The following ARHGEF10 variants were observed in gnomAD, a reference collection of about 807,000 sequenced individuals.
ARHGEF10 encodes the protein Rho guanine nucleotide exchange factor (GEF) 10.
ARHGEF10 carries 140 observed loss-of-function variants against 147.4 expected under a neutral mutation model. The ratio of observed to expected loss-of-function variants is 0.95; its 90% CI spans 0.83 to 1.09. ARHGEF10 has a LOEUF of 1.09. Among genes scored for constraint, ARHGEF10 ranks in the 50% least tolerant of loss-of-function variants. The pLI is 0.00. For synonymous variants in ARHGEF10, 902 were observed against 695.8 expected (o/e 1.30, Z -4.67); for missense variants, 2,222 against 1,752.7 (o/e 1.27, Z -4.78).
intron 3 of ARHGEF10, chr8:1,858,881 C>CAT (rs1354448806): frequency 9.6e-4 from 85 of 88,278 alleles, no homozygotes; most frequent in South Asian, 4.3e-3. Flanking sequence ...TCTTTGGGTG[C>CAT]AGCACCAGCC....
intron 15 of ARHGEF10, among the ~76,000 whole-genome samples, chr8:1,900,862 G>C (rs2129170142): frequency 6.6e-6 from 1 of 152,232 alleles, no homozygotes; most frequent in South Asian, 2.1e-4. Flanking sequence ...TGCCTCGAGA[G>C]ACCCTCTTTA....
chr8:1,842,011 C>T lies in ARHGEF10; in HGVS notation c.-47-1342C>T, dbSNP rs1652996877. Among the ~76,000 whole-genome samples the T allele has an allele frequency of 6.9e-5, 6 of 87,344 alleles. 1 individual carries two copies. In the Admixed American group the frequency reaches 7.7e-4, roughly 11 times the overall value. 57.3% of individuals were successfully genotyped at this position (87,344 alleles called of 152,430 possible). A position where few individuals can be genotyped will look rare whatever the true frequency, so the allele number is the denominator to read the frequency against. ...ACTGGGGCCGCGGCGGGAACTGGGG[C>T]CGCGGCGGGAACTGGGGCCGCGGCG... On this transcript the variant is annotated intron_variant, in intron 1 of 28. Transcript: ENST00000349830.
intron 28 of ARHGEF10, among the ~76,000 whole-genome samples, chr8:1,955,598 TCTCA>T (rs992966561): frequency 3.3e-5 from 5 of 151,360 alleles, no homozygotes; most frequent in African/African-American, 1.2e-4. Context: ...GGAGGTGCAC[TCTCA>T]CTGTTTCTCT....
At chr8:1,835,007 G>A (rs935792510) in intron 1 of ARHGEF10, among the ~76,000 whole-genome samples, 4 of 152,246 alleles carry the variant, frequency 2.6e-5, no homozygotes, top group Admixed American at 6.5e-5. Flanking sequence ...TTCGCCAAGC[G>A]GGTCCGCCAC....
intron 23 of ARHGEF10, chr8:1,927,634 G>A (rs1452038174): frequency 2.6e-5 from 4 of 152,402 alleles, no homozygotes; most frequent in African/African-American, 7.2e-5. Flanking sequence ...GAAATTCCAC[G>A]GCAGGCGTGG....
chr8:1,926,230 C>G lies in ARHGEF10; in HGVS notation c.2611-147C>G. On this transcript the variant is annotated intron_variant, in intron 22 of 28. Coordinates refer to ENST00000349830, the MANE Select transcript of ARHGEF10 (RefSeq NM_014629.4). ...GAGAGTTGTACTTTTAAACTTTCATCCTCCCTATTTTAATCTTTGGTAGGT... is the reference window on the plus strand; with the variant it reads ...GAGAGTTGTACTTTTAAACTTTCATGCTCCCTATTTTAATCTTTGGTAGGT... 35 of 730,322 alleles carry G rather than the reference C, an allele frequency of 4.8e-5. No individual in the cohort carries two copies. The South Asian group carries it at 5.4e-4, about 11-fold the overall frequency. 45.2% of individuals were successfully genotyped at this position (730,322 alleles called of 1,614,324 possible).
rs1337088670 is a variant in ARHGEF10 at position 1,930,943 on chromosome 8, C to T, written c.3079+1500C>T. On this transcript the variant is annotated intron_variant, in intron 25 of 28. Coordinates refer to ENST00000349830, the MANE Select transcript of ARHGEF10 (RefSeq NM_014629.4). ...TCCTTGGCGGGCCTCTGGTTGCCTC[C>T]CTCTCATCCGGTGGGTGCCCCGGCC... Among the ~76,000 whole-genome samples, 4 of 152,368 alleles carry T rather than the reference C, an allele frequency of 2.6e-5. No individual in the cohort carries two copies. In the East Asian group the frequency reaches 5.8e-4, roughly 22 times the overall value.
At chr8:1,862,427 C>T (rs73671006) in intron 4 of ARHGEF10, among the ~76,000 whole-genome samples, 142 of 152,402 alleles carry the variant, frequency 9.3e-4, no homozygotes, top group African/African-American at 2.9e-3. Flanking sequence ...CTCTTGTTTA[C>T]GCACGGGCTG....
At chr8:1,931,695 T>G (rs1362816156) in intron 25 of ARHGEF10, among the ~76,000 whole-genome samples, 2 of 152,180 alleles carry the variant, frequency 1.3e-5, no homozygotes, top group Non-Finnish European at 2.9e-5. Context: ...TTGCCAGAGC[T>G]CTGAGCTTTC....
chr8:1,888,616 T>G (rs28628190), intron 11 of ARHGEF10, among the ~76,000 whole-genome samples: 79,389 of 117,356 alleles, frequency 0.68, 29,172 homozygotes, highest in East Asian at 0.97. Context: ...TGTGGTGAGG[T>G]TTGTGAGGAA....
intron 1 of ARHGEF10, among the ~76,000 whole-genome samples, chr8:1,840,076 G>T (rs1157689340): frequency 1.5e-5 from 2 of 137,422 alleles, no homozygotes; most frequent in Non-Finnish European, 3.1e-5. Flanking sequence ...TGTGGAAGCT[G>T]TCTGGTGTGG....
intron 1 of ARHGEF10, among the ~76,000 whole-genome samples, chr8:1,843,031 G>C (rs185550554): frequency 6.6e-6 from 1 of 152,362 alleles, no homozygotes; most frequent in East Asian, 1.9e-4. Flanking sequence ...TTAGAATACA[G>C]TGGGAAATTC....
chr8:1,894,906 G>T (rs938202888), intron 13 of ARHGEF10, among the ~76,000 whole-genome samples: 1 of 152,218 alleles, frequency 6.6e-6, no homozygotes, highest in African/African-American at 2.4e-5. Flanking sequence ...GATGCCGTGT[G>T]TTTGGCAATG....
intron 27 of ARHGEF10, 109 bp from the exon 28 acceptor site, chr8:1,952,596 G>T: frequency 1.4e-6 from 2 of 1,457,502 alleles, no homozygotes; most frequent in Admixed American, 3.5e-5. Flanking sequence ...TGCCCCTGGC[G>T]GATTTGGTGG....
intron 10 of ARHGEF10, among the ~76,000 whole-genome samples, chr8:1,883,743 G>A (rs1287623135): frequency 6.6e-6 from 1 of 152,126 alleles, no homozygotes; most frequent in Non-Finnish European, 1.5e-5. Flanking sequence ...GGTGCTCAGG[G>A]CAGCAAAGGA....
intron 4 of ARHGEF10, among the ~76,000 whole-genome samples, chr8:1,861,566 A>G (rs947806249): frequency 1.3e-5 from 2 of 152,188 alleles, no homozygotes; most frequent in African/African-American, 4.8e-5. Flanking sequence ...TACGCCTGAG[A>G]CATGATTCTT....
In ARHGEF10 at chr8:1,876,643, C is replaced by A; in HGVS notation, c.752C>A (p.Ser251Ter). ...AGCTCCTTGGAATACGGATGGAGTT[C>A]GAGTGAATTTGAAAGTTACGAAGAG... ...GNSSLEYGWS[S>*]SEFESYEEQS... is the part of the protein sequence containing the mutation. Residue 251 changes from serine to a stop codon, truncating the protein, a stop_gained, in exon 8 of 29, where the codon TCG becomes TAG. Coordinates refer to ENST00000349830, the MANE Select transcript of ARHGEF10 (RefSeq NM_014629.4). LOFTEE classifies it high-confidence loss of function. 6.2e-7 allele frequency: 1 copy of A among 1,614,122 alleles called. No individual in the cohort carries two copies. The highest frequency in any genetic ancestry group is 1.1e-5 in the South Asian group (1 of 91,080).
At position 1,894,494 on chromosome 8, in the gene ARHGEF10, G is replaced by T; in HGVS notation, c.1362G>T (p.Ser454=). The change falls in exon 13 of 29, where the codon TCG becomes TCT. Residue 454 remains serine, a synonymous_variant. Coordinates refer to ENST00000349830, the MANE Select transcript of ARHGEF10 (RefSeq NM_014629.4). ...TCAAAGAGATCCTGCAGTGCCACTC[G>T]CTATTTCAGATCGCGCTGGCCAGCC... ...YRVKEILQCH[S]LFQIALASRV... 6.2e-7 allele frequency: 1 copy of T among 1,614,198 alleles called. No individual in the cohort carries two copies.
chr8:1,856,374 G>C (rs969675369), intron 2 of ARHGEF10, among the ~76,000 whole-genome samples: 1 of 152,210 alleles, frequency 6.6e-6, no homozygotes, highest in Non-Finnish European at 1.5e-5. Context: ...TCCTTGCAGT[G>C]GTAGCTGGAT....
Sources: allele counts gnomAD v4.1 joint callset (sites outside exome capture counted in the v4.1 genomes callset), GRCh38; gene constraint gnomAD v4.1.1; transcripts MANE v1.5; gene names NCBI Gene and HGNC (gene_info 2026-07-23, HGNC 2026-07-21).